Variants in TMC1 observed in about 807,000 individuals in gnomAD.
The protein encoded by TMC1 is transmembrane channel-like protein 1.
TMC1 carries 84 observed loss-of-function variants against 105.8 expected under a neutral mutation model. That is an observed-to-expected ratio of 0.79 (90% confidence interval 0.67 to 0.95). The LOEUF (loss-of-function observed/expected upper bound fraction) is 0.95, where lower values mean the gene tolerates loss of function less well. Among genes scored for constraint, TMC1 ranks in the 40% least tolerant of loss-of-function variants. The pLI is 0.00. For missense variants in TMC1, 817 were observed against 914.1 expected, an observed-to-expected ratio of 0.89 and a Z score of 1.37; for synonymous variants, 315 against 311.5, an observed-to-expected ratio of 1.01 and a Z score of -0.12.
chr9:72,823,374 C>G (rs180847259), intron 20 of TMC1, among the ~76,000 whole-genome samples: 13 of 152,076 alleles, frequency 8.5e-5, no homozygotes, highest in Non-Finnish European at 1.6e-4. Flanking sequence ...CTTAACCTTC[C>G]TGGTGAAGGT....
chr9:72,629,660 G>A (rs902623267), intron 4 of TMC1, among the ~76,000 whole-genome samples: 1 of 151,978 alleles, frequency 6.6e-6, no homozygotes, highest in Admixed American at 6.6e-5. Flanking sequence ...AAAATCAAAG[G>A]CTTGAGAGCA....
Position 72,700,525 on chromosome 9 carries a change from G to A in TMC1, c.244G>A (p.Glu82Lys), listed in dbSNP as rs1826624806. Reference sequence around the variant, plus strand: ...TCTTTTTTACTTTTAAAGAGAAGAAGAAGAAATTGATGAAGAGGAATTGGA... The same window carrying A: ...TCTTTTTTACTTTTAAAGAGAAGAAAAAGAAATTGATGAAGAGGAATTGGA... Reference protein sequence around the residue: ...RRRLKRGAEEEEIDEEELERL... With the variant: ...RRRLKRGAEEKEIDEEELERL... The change falls in exon 8 of 24, where the codon GAA becomes AAA. Residue 82 changes from glutamate (E) to lysine (K), a missense_variant. Coordinates refer to ENST00000297784, the MANE Select transcript of TMC1 (RefSeq NM_138691.3). 1.3e-6 allele frequency: 2 copies of A among 1,595,110 alleles called. No homozygotes were observed. The highest frequency in any genetic ancestry group is 1.7e-6 in the Non-Finnish European group (2 of 1,167,908).
At chr9:72,776,715 G>A (rs1828011730) in intron 13 of TMC1, among the ~76,000 whole-genome samples, 1 of 152,106 alleles carries the variant, frequency 6.6e-6, no homozygotes, top group Non-Finnish European at 1.5e-5. Flanking sequence ...TTGGATGGAT[G>A]GAGAAATTAA....
intron 8 of TMC1, among the ~76,000 whole-genome samples, chr9:72,735,000 G>T (rs929611567): frequency 6.6e-6 from 1 of 152,208 alleles, no homozygotes; most frequent in Non-Finnish European, 1.5e-5. Context: ...TCCAGTGTGT[G>T]CTTCTTCAAC....
intron 5 of TMC1, among the ~76,000 whole-genome samples, chr9:72,662,449 G>A (rs900789098): frequency 1.3e-5 from 2 of 151,244 alleles, no homozygotes; most frequent in African/African-American, 2.4e-5. Context: ...CACTGGCCTC[G>A]GCGTCCTAGA....
At chr9:72,622,441 G>C (rs9314798) in intron 3 of TMC1, among the ~76,000 whole-genome samples, 83,021 of 152,040 alleles carry the variant, frequency 0.55, 23,585 homozygotes, top group African/African-American at 0.71. Context: ...AGGAGGGCTT[G>C]TCCTCATCCT....
At chr9:72,617,740 A>G (rs1825158658) in intron 3 of TMC1, among the ~76,000 whole-genome samples, 1 of 152,202 alleles carries the variant, frequency 6.6e-6, no homozygotes, top group African/African-American at 2.4e-5. Flanking sequence ...CCACTAATCG[A>G]GACTGTGTGA....
chr9:72,548,507 G>A (rs189123123), intron 1 of TMC1, among the ~76,000 whole-genome samples: 2 of 151,550 alleles, frequency 1.3e-5, no homozygotes, highest in Non-Finnish European at 2.9e-5. Flanking sequence ...GAACCCGGGA[G>A]GTTCATTCAA....
chr9:72,815,008 C>G lies in TMC1; in HGVS notation c.1696-1135C>G, dbSNP rs567721705. Among the ~76,000 whole-genome samples the G allele has an allele frequency of 3.3e-5, 5 of 149,374 alleles. No homozygotes were observed. The South Asian group carries it at 1.1e-3, about 32-fold the overall frequency. On this transcript the variant is annotated intron_variant, in intron 18 of 23. Coordinates refer to ENST00000297784, the MANE Select transcript of TMC1 (RefSeq NM_138691.3). ...GAAGCACACCTGGAGATAATAAGAT[C>G]TGAGCAGTGCTAGGAACCTGCCAAT... is the stretch of plus-strand genomic sequence containing the variant.
intron 1 of TMC1, among the ~76,000 whole-genome samples, chr9:72,553,775 C>T (rs1823891283): frequency 6.6e-6 from 1 of 152,158 alleles, no homozygotes; most frequent in Admixed American, 6.6e-5. Flanking sequence ...GGGTCCTAGA[C>T]ACATAATGAT....
chr9:72,623,971 G>A (rs1035639804), intron 3 of TMC1, among the ~76,000 whole-genome samples: 3 of 152,122 alleles, frequency 2.0e-5, no homozygotes, highest in Admixed American at 6.5e-5. Context: ...TAGAGGAACT[G>A]CAGGAAGAAA....
chr9:72,711,140 G>A lies in TMC1; in HGVS notation c.362+10497G>A, dbSNP rs536170451. Among the ~76,000 whole-genome samples, 177 of 152,280 alleles carry A rather than the reference G, an allele frequency of 1.2e-3. 4 individuals are homozygous for A. Among genetic ancestry groups the A allele is most frequent in the African/African-American group, 4.0e-3 (168 of 41,574 alleles). On this transcript the variant is annotated intron_variant, in intron 8 of 23. Coordinates refer to ENST00000297784, the MANE Select transcript of TMC1 (RefSeq NM_138691.3). ...GCATAGTATTCCATGGTGTATATGT[G>A]CCACATTTTCTTTATCTAGTCTATC...
At chr9:72,584,784 C>CTTTTCTTT in intron 2 of TMC1, among the ~76,000 whole-genome samples, 1 of 112,990 alleles carries the variant, frequency 8.9e-6, no homozygotes, top group Non-Finnish European at 1.7e-5. Context: ...CTTTTCTTTT[C>CTTTTCTTT]TTTTTTTTTT....
intron 2 of TMC1, among the ~76,000 whole-genome samples, chr9:72,599,702 C>T (rs930809820): frequency 2.8e-4 from 43 of 151,072 alleles, no homozygotes; most frequent in Non-Finnish European, 5.0e-4. Flanking sequence ...CCCAGCTACT[C>T]GGGAGGCTGA....
intron 13 of TMC1, 66 bp downstream of exon 13, chr9:72,772,621 G>A (rs1045122344): frequency 6.3e-7 from 1 of 1,598,516 alleles, no homozygotes; most frequent in Non-Finnish European, 8.6e-7. Flanking sequence ...GGATTAATTT[G>A]GGGATTGGAT....
Position 72,526,051 on chromosome 9 carries a change from C to G in TMC1, c.-428+4138C>G, listed in dbSNP as rs1442450798. ...GCATTATTGCACAGAGTGTCATTCG[C>G]TAATCTTGCTTGTGCCTGAACTTTG... is the stretch of plus-strand genomic sequence containing the variant. On this transcript the variant is annotated intron_variant, in intron 1 of 23. Coordinates refer to ENST00000297784, the MANE Select transcript of TMC1 (RefSeq NM_138691.3). Among the ~76,000 whole-genome samples the G allele has an allele frequency of 5.9e-5, 9 of 151,934 alleles. No homozygotes were observed. In the South Asian group the frequency reaches 1.9e-3, roughly 32 times the overall value.
intron 3 of TMC1, among the ~76,000 whole-genome samples, chr9:72,621,202 G>T (rs1825242731): frequency 6.6e-6 from 1 of 152,134 alleles, no homozygotes; most frequent in Admixed American, 6.5e-5. Flanking sequence ...ATTTAGCTTG[G>T]CCATAAAGGG....
At chr9:72,717,920 G>A (rs1469276703) in intron 8 of TMC1, among the ~76,000 whole-genome samples, 1 of 151,962 alleles carries the variant, frequency 6.6e-6, no homozygotes, top group Non-Finnish European at 1.5e-5. Context: ...CTTCCTTAGG[G>A]ACTCCACTTA....
chr9:72,573,219 C>T (rs1824317759), intron 1 of TMC1, among the ~76,000 whole-genome samples: 1 of 152,146 alleles, frequency 6.6e-6, no homozygotes, highest in Non-Finnish European at 1.5e-5. Context: ...TCAGATACTT[C>T]ACTTTATGGA....
Sources: gnomAD v4.1 joint callset for allele counts (sites outside exome capture counted in the v4.1 genomes callset) on GRCh38, gnomAD v4.1.1 for gene constraint, MANE v1.5 for transcripts, NCBI Gene and HGNC (gene_info 2026-07-23, HGNC 2026-07-21) for gene names.